Variants in RGPD4 observed in about 807,000 individuals in gnomAD.
RGPD4 encodes the protein RANBP2 like and GRIP domain containing 4.
RGPD4 carries 84 observed loss-of-function variants against 141.1 expected under a neutral mutation model. The observed-to-expected ratio is 0.60, with a 90% CI of 0.50 to 0.71. The LOEUF (loss-of-function observed/expected upper bound fraction) is 0.71. Among genes scored for constraint, RGPD4 ranks in the 30% least tolerant of loss-of-function variants. The probability of loss-of-function intolerance (pLI) is 0.00; values close to 1 mark genes in which losing one functional copy is unlikely to be tolerated. For synonymous variants in RGPD4, 298 were observed against 566.8 expected (o/e 0.53, Z 6.74); for missense variants, 918 against 1,622.4 (o/e 0.57, Z 7.46).
intron 20 of RGPD4, 53 bp from the exon 21 acceptor site, chr2:107,879,912 ATCT>A: frequency 6.3e-7 from 1 of 1,597,144 alleles, no homozygotes; most frequent in South Asian, 1.1e-5. Context: ...CTTATTTAGA[ATCT>A]TCATCTGTAA....
At chr2:107,882,309 A>G (rs1675388417) in intron 21 of RGPD4, among the ~76,000 whole-genome samples, 1 of 149,608 alleles carries the variant, frequency 6.7e-6, no homozygotes, top group African/African-American at 2.4e-5. Context: ...CTCTTGTATT[A>G]GCTTGTTGCC....
intron 8 of RGPD4, among the ~76,000 whole-genome samples, chr2:107,855,558 G>A (rs1369964423): frequency 7.9e-5 from 12 of 151,600 alleles, no homozygotes; most frequent in Middle Eastern, 3.4e-3. Flanking sequence ...CTCTGTAAGT[G>A]TGCTGAGACA....
chr2:107,846,071 T>C (rs1681931148), intron 6 of RGPD4, among the ~76,000 whole-genome samples: 1 of 109,878 alleles, frequency 9.1e-6, no homozygotes, highest in Non-Finnish European at 1.8e-5. Context: ...GGCCTACAGG[T>C]TCCTGCCACC....
chr2:107,846,197 A>AT (rs1010707215), intron 6 of RGPD4, among the ~76,000 whole-genome samples: 1 of 150,380 alleles, frequency 6.6e-6, no homozygotes, highest in African/African-American at 2.5e-5. Context: ...AAGTGCTGGG[A>AT]TTACAGGCAT....
chr2:107,871,003 G>C lies in RGPD4; in HGVS notation c.2999G>C (p.Gly1000Ala). 4 of 1,610,920 alleles carry C rather than the reference G, an allele frequency of 2.5e-6. No individual in the cohort carries two copies. The highest frequency in any genetic ancestry group is 3.4e-6 in the Non-Finnish European group (4 of 1,179,762). ...AATTTCAAGGGATTTTCAGGTGCTG[G>C]AGAAAAATTATTCTCATCACAATGC... ...DPNFKGFSGA[G>A]EKLFSSQCGK... The change falls in exon 20 of 23, where the codon GGA becomes GCA. Residue 1000 changes from glycine (G) to alanine (A), a missense_variant. Gly to Ala is a moderately conservative substitution (Grantham distance 60). Transcript: ENST00000408999.
intron 20 of RGPD4, among the ~76,000 whole-genome samples, chr2:107,878,334 G>A (rs1304377665): frequency 2.0e-5 from 3 of 151,098 alleles, no homozygotes; most frequent in Admixed American, 2.0e-4. Flanking sequence ...CTTCGAGAAA[G>A]GAGAAACACA....
chr2:107,847,023 C>T (rs1473759545), intron 6 of RGPD4, among the ~76,000 whole-genome samples: 35 of 151,484 alleles, frequency 2.3e-4, no homozygotes, highest in African/African-American at 4.1e-4. Context: ...GGGTGGATCA[C>T]GAAGTCAGGA....
chr2:107,828,603 GCGGCGGCGGCCTCGACCTGGCC>G (rs1336788498), intron 1 of RGPD4, among the ~76,000 whole-genome samples: 17 of 121,256 alleles, frequency 1.4e-4, no homozygotes, highest in Non-Finnish European at 2.2e-4. Flanking sequence ...ACCTGGCCGG[GCGGCGGCGGCCTCGACCTGGCC>G]CGGCGGCGGC....
chr2:107,845,136 G>A (rs2104422267), intron 6 of RGPD4, among the ~76,000 whole-genome samples: 1 of 139,492 alleles, frequency 7.2e-6, no homozygotes, highest in South Asian at 2.4e-4. Context: ...TGCCTCCTGG[G>A]TTCAAGTGAT....
At chr2:107,828,593 A>G (rs1394447132) in intron 1 of RGPD4, among the ~76,000 whole-genome samples, 1 of 115,022 alleles carries the variant, frequency 8.7e-6, no homozygotes, top group African/African-American at 3.6e-5. Flanking sequence ...AGCGGCCTCG[A>G]CCTGGCCGGG....
intron 1 of RGPD4, among the ~76,000 whole-genome samples, chr2:107,831,793 G>A (rs927171178): frequency 3.3e-4 from 48 of 145,442 alleles, no homozygotes; most frequent in African/African-American, 1.2e-3. Context: ...GGATAGTCTC[G>A]ATCTCCTGAC....
intron 8 of RGPD4, 135 bp downstream of exon 8, chr2:107,854,778 C>G: frequency 9.1e-7 from 1 of 1,102,644 alleles, no homozygotes; most frequent in Non-Finnish European, 1.3e-6. Context: ...CAGTTAAGAG[C>G]AATAGGTATG....
intron 20 of RGPD4, among the ~76,000 whole-genome samples, chr2:107,874,734 C>T (rs1683040646): frequency 6.7e-6 from 1 of 150,094 alleles, no homozygotes; most frequent in Admixed American, 6.6e-5. Context: ...ATGTCATTGT[C>T]CCAAGGGACC....
chr2:107,859,487 C>T lies in RGPD4; in HGVS notation c.1567C>T (p.Gln523Ter). ...ATGCCTGCCCCTTCCTGTATGTAAACAGCTTTGTACAGAAAGACAAAAATC... is the reference window on the plus strand; with the variant it reads ...ATGCCTGCCCCTTCCTGTATGTAAATAGCTTTGTACAGAAAGACAAAAATC... ...PLCLPLPVCK[Q>*]LCTERQKSWW... Residue 523 changes from glutamine to a stop codon, truncating the protein, a stop_gained, in exon 11 of 23, where the codon CAG becomes TAG. Coordinates refer to ENST00000408999, the MANE Select transcript of RGPD4 (RefSeq NM_182588.3). LOFTEE classifies it high-confidence loss of function. The T allele has an allele frequency of 1.9e-6, 3 of 1,611,376 alleles. No individual in the cohort carries two copies. Among genetic ancestry groups the T allele is most frequent in the Non-Finnish European group, 8.5e-7 (1 of 1,179,852 alleles).
At chr2:107,888,572 A>G (rs553037684) in intron 22 of RGPD4, among the ~76,000 whole-genome samples, 1 of 151,980 alleles carries the variant, frequency 6.6e-6, no homozygotes, top group South Asian at 2.1e-4. Flanking sequence ...CCTCCTCCAG[A>G]AATTCATGCC....
intron 22 of RGPD4, among the ~76,000 whole-genome samples, chr2:107,888,923 A>T: frequency 7.2e-6 from 1 of 139,250 alleles, no homozygotes; most frequent in Admixed American, 7.3e-5. Context: ...ACCATTTCTG[A>T]TCTCCTGACC....
intron 20 of RGPD4, among the ~76,000 whole-genome samples, chr2:107,875,663 C>A (rs1344767271): frequency 7.3e-6 from 1 of 137,514 alleles, no homozygotes; most frequent in Admixed American, 8.0e-5. Flanking sequence ...TTGTTTTCAG[C>A]CATATGAATG....
chr2:107,890,959 TACAA>T lies in RGPD4; in HGVS notation c.*229_*232del, dbSNP rs2104526652. On this transcript the variant is annotated 3_prime_UTR_variant, in exon 23 of 23. Coordinates refer to ENST00000408999, the MANE Select transcript of RGPD4 (RefSeq NM_182588.3). ...TAAAAGTTTCAACTTGAAGTAAAAG[TACAA>T]CAGCTTGAAGTATTGATACCAGGCC... 1 of 624,874 alleles carries T rather than the reference TACAA, an allele frequency of 1.6e-6. No homozygotes were observed. Among genetic ancestry groups the T allele is most frequent in the African/African-American group, 1.9e-5 (1 of 52,534 alleles). The allele number at this position is 624,874 out of a possible 1,614,324, so 38.7% of individuals were successfully genotyped here. A position where few individuals can be genotyped will look rare whatever the true frequency, so the allele number is the denominator to read the frequency against.
At chr2:107,886,294 G>A (rs1345085083) in intron 22 of RGPD4, among the ~76,000 whole-genome samples, 2 of 58,576 alleles carry the variant, frequency 3.4e-5, no homozygotes, top group Non-Finnish European at 3.6e-5. Context: ...ATCTCAAGCA[G>A]TATTAAAAAA....
Sources: gnomAD v4.1 joint callset for allele counts (sites outside exome capture counted in the v4.1 genomes callset) on GRCh38, gnomAD v4.1.1 for gene constraint, MANE v1.5 for transcripts, NCBI Gene and HGNC (gene_info 2026-07-23, HGNC 2026-07-21) for gene names.